Variants in NUP214 observed in about 807,000 individuals in gnomAD.
NUP214 encodes nucleoporin 214.
A neutral mutation model predicts 196.2 loss-of-function variants in NUP214; 79 were observed. The ratio of observed to expected loss-of-function variants is 0.40; its 90% CI spans 0.34 to 0.49. NUP214 has a LOEUF of 0.49. Ranked by LOEUF, NUP214 falls within the 20% of genes least tolerant of loss-of-function variation. The pLI is 0.58. For synonymous variants in NUP214, 1,020 were observed against 990.5 expected (o/e 1.03, Z -0.56); for missense variants, 2,468 against 2,539.0 (o/e 0.97, Z 0.60).
At chr9:131,182,249 G>A (rs1461578696) in intron 24 of NUP214, among the ~76,000 whole-genome samples, 1 of 152,142 alleles carries the variant, frequency 6.6e-6, no homozygotes, top group Admixed American at 6.5e-5. Context: ...AAATAAAATG[G>A]ATTTCTTATA....
Position 131,192,216 on chromosome 9 carries a change from A to G in NUP214, c.3583A>G (p.Lys1195Glu). ...TTTTTCCATAATTTCAGGGACAGCC[A>G]AGATAGAAACAGCTGTGACTTCAAC... The part of the protein sequence containing the change: ...SSGDKASGTA[K>E]IETAVTSTPS... The change falls in exon 27 of 36, where the codon AAG becomes GAG. Residue 1195 changes from lysine to glutamate, a missense_variant. By Grantham distance (56) the Lys-to-Glu change is moderately conservative. Around this residue, in one of 5 missense-constraint regions of NUP214, gnomAD observed 1,801 missense variants for 1,779.4 expected, o/e 1.01. Coordinates refer to ENST00000359428, the MANE Select transcript of NUP214 (RefSeq NM_005085.4). The G allele has an allele frequency of 2.1e-6, 2 of 955,584 alleles. No homozygotes were observed. Among genetic ancestry groups the G allele is most frequent in the Non-Finnish European group, 3.0e-6 (2 of 665,724 alleles). 59.2% of individuals were successfully genotyped at this position (955,584 alleles called of 1,614,324 possible).
intron 17 of NUP214, among the ~76,000 whole-genome samples, chr9:131,155,845 A>G (rs554747827): frequency 2.7e-4 from 41 of 152,088 alleles, no homozygotes; most frequent in Admixed American, 7.9e-4. Flanking sequence ...CTGTCTGCCT[A>G]TTTTTGTACC....
chr9:131,168,255 C>CT (rs772960143), intron 21 of NUP214, among the ~76,000 whole-genome samples: 14 of 152,272 alleles, frequency 9.2e-5, no homozygotes, highest in Middle Eastern at 3.4e-3. Context: ...ATAGTTAGTA[C>CT]TTTTTGTGTT....
At chr9:131,165,614 A>G (rs1412054439) in intron 21 of NUP214, among the ~76,000 whole-genome samples, 9 of 152,234 alleles carry the variant, frequency 5.9e-5, no homozygotes, top group Non-Finnish European at 1.3e-4. Context: ...CAGCAATTTC[A>G]CTTCTGGGTA....
rs1413534528 is a variant in NUP214 at position 131,125,685 on chromosome 9, G to A, written c.-20G>A. On this transcript the variant is annotated 5_prime_UTR_variant, in exon 1 of 36. Transcript: ENST00000359428. The surrounding 1 kb of genome is among the most constrained non-coding windows in gnomAD (Gnocchi z 4.1). ...CGTGGGAGGCAGCGTTGGCTGCTTC[G>A]ACACACTGAGGGCGGCGCGATGGGA... 1.9e-6 allele frequency: 3 copies of A among 1,549,444 alleles called. No individual in the cohort carries two copies. Among genetic ancestry groups the A allele is most frequent in the Admixed American group, 2.0e-5 (1 of 50,738 alleles).
intron 21 of NUP214, among the ~76,000 whole-genome samples, chr9:131,165,684 A>G (rs1185393953): frequency 6.6e-6 from 1 of 152,260 alleles, no homozygotes; most frequent in East Asian, 1.9e-4. Context: ...CATGCTCATG[A>G]CAGCATTATT....
intron 1 of NUP214, 42 bp from the exon 2 acceptor site, chr9:131,127,478 ATTTC>A (rs759742046): frequency 2.7e-6 from 4 of 1,497,906 alleles, no homozygotes; most frequent in Non-Finnish European, 3.7e-6. Context: ...ACATGTTTTA[ATTTC>A]TTTCTTTATT....
At chr9:131,194,154 C>A (rs1833706160) in intron 27 of NUP214, 1 of 146,076 alleles carries the variant, frequency 6.8e-6, no homozygotes, top group Admixed American at 6.9e-5. Context: ...TTGAAATCTG[C>A]AATTTGAACT....
chr9:131,144,964 A>AT (rs1469550339), intron 12 of NUP214, among the ~76,000 whole-genome samples: 1 of 152,076 alleles, frequency 6.6e-6, no homozygotes, highest in Non-Finnish European at 1.5e-5. Context: ...CTAGCATTTT[A>AT]TTTTTTTGAC....
At chr9:131,163,570 T>G (rs183219095) in intron 19 of NUP214, among the ~76,000 whole-genome samples, 1 of 152,260 alleles carries the variant, frequency 6.6e-6, no homozygotes, top group African/African-American at 2.4e-5. Flanking sequence ...CCTGGCAGAT[T>G]GACAGTTTGC....
intron 23 of NUP214, among the ~76,000 whole-genome samples, chr9:131,176,984 G>T (rs1833138943): frequency 6.6e-6 from 1 of 152,098 alleles, no homozygotes; most frequent in Non-Finnish European, 1.5e-5. Flanking sequence ...ACAACAAAGG[G>T]TTATCTAGCC....
At chr9:131,179,013 T>C (rs909490465) in intron 24 of NUP214, among the ~76,000 whole-genome samples, 5 of 152,034 alleles carry the variant, frequency 3.3e-5, no homozygotes, top group South Asian at 2.1e-4. Context: ...TGTTTTTTCT[T>C]AGACAAGGTC....
At chr9:131,228,910 G>T (rs1834797148) in intron 33 of NUP214, 1 of 152,172 alleles carries the variant, frequency 6.6e-6, no homozygotes, top group African/African-American at 2.4e-5. Context: ...CATTTTTAGG[G>T]AGTCGCTTTT....
At chr9:131,171,505 G>T (rs913494725) in intron 21 of NUP214, among the ~76,000 whole-genome samples, 1 of 151,636 alleles carries the variant, frequency 6.6e-6, no homozygotes, top group African/African-American at 2.4e-5. Context: ...CAAACCTAGC[G>T]GCTTAAAACA....
At chr9:131,200,794 T>C (rs1833919576) in intron 29 of NUP214, among the ~76,000 whole-genome samples, 2 of 152,112 alleles carry the variant, frequency 1.3e-5, no homozygotes, top group African/African-American at 2.4e-5. Context: ...TTCTGCCTCA[T>C]GTTCCCAGGC....
chr9:131,130,387 C>G (rs1338725042), intron 4 of NUP214, among the ~76,000 whole-genome samples: 1 of 151,798 alleles, frequency 6.6e-6, no homozygotes, highest in Non-Finnish European at 1.5e-5. Flanking sequence ...TCAAGTGATC[C>G]GTCCGTCTCA....
chr9:131,219,715 A>G (rs954650778), intron 31 of NUP214, among the ~76,000 whole-genome samples: 4 of 152,202 alleles, frequency 2.6e-5, no homozygotes, highest in Non-Finnish European at 5.9e-5. Context: ...TTCCCAGCAC[A>G]TTCTTTCTGT....
chr9:131,128,372 A>G lies in NUP214; in HGVS notation c.282A>G (p.Pro94=). The change falls in exon 3 of 36, where the codon CCA becomes CCG. Residue 94 remains proline, a synonymous_variant. Coordinates refer to ENST00000359428, the MANE Select transcript of NUP214 (RefSeq NM_005085.4). ...GCTTGCTAGTTCCTATGAAATTCCC[A>G]ATCCATCACCTGGCCTTGAGCTGTG... is the stretch of plus-strand genomic sequence containing the variant. ...VQGLLVPMKF[P]IHHLALSCDN... 1 of 1,613,120 alleles carries G rather than the reference A, an allele frequency of 6.2e-7. No homozygotes were observed. Among genetic ancestry groups the G allele is most frequent in the Non-Finnish European group, 8.5e-7 (1 of 1,179,440 alleles).
intron 32 of NUP214, among the ~76,000 whole-genome samples, chr9:131,223,727 A>ATTTATTTTATTTTTT: frequency 6.4e-5 from 1 of 15,642 alleles, no homozygotes; most frequent in Non-Finnish European, 1.4e-4. Flanking sequence ...TTATTTATTT[A>ATTTATTTTATTTTTT]TTTTTTTTTT....
Sources: allele counts gnomAD v4.1 joint callset (sites outside exome capture counted in the v4.1 genomes callset), GRCh38; gene constraint gnomAD v4.1.1; regional missense constraint gnomAD v4.1.1; non-coding constraint Gnocchi (gnomAD v3.1); transcripts MANE v1.5; gene names NCBI Gene and HGNC (gene_info 2026-07-23, HGNC 2026-07-21).